The following SSH2 variants were observed in gnomAD, a reference collection of about 807,000 sequenced individuals.
The protein encoded by SSH2 is slingshot protein phosphatase 2.
Under a neutral mutation model 135.2 loss-of-function variants are expected in SSH2, and 37 were observed. The observed-to-expected ratio is 0.27, with a 90% CI of 0.21 to 0.36. SSH2 has a LOEUF of 0.36. SSH2 is among the 10% of genes least tolerant of loss of function. The pLI is 1.00. For missense variants in SSH2, 1,408 were observed against 1,765.3 expected, an observed-to-expected ratio of 0.80 and a Z score of 3.63; for synonymous variants, 628 against 646.2, an observed-to-expected ratio of 0.97 and a Z score of 0.43.
chr17:29,895,015 C>G (rs1263743704), intron 1 of SSH2, among the ~76,000 whole-genome samples: 1 of 151,466 alleles, frequency 6.6e-6, no homozygotes, highest in East Asian at 1.9e-4. Flanking sequence ...CATCTCCCAT[C>G]ATGCCCCTTC....
At chr17:29,767,751 G>GT (rs1260275076) in intron 3 of SSH2, among the ~76,000 whole-genome samples, 5 of 151,874 alleles carry the variant, frequency 3.3e-5, no homozygotes, top group African/African-American at 1.2e-4. Flanking sequence ...TTTTAAAGGA[G>GT]TATAAGGCAT....
At chr17:29,683,389 A>C (rs888040734) in intron 6 of SSH2, among the ~76,000 whole-genome samples, 1 of 152,218 alleles carries the variant, frequency 6.6e-6, no homozygotes, top group African/African-American at 2.4e-5. Flanking sequence ...AAGTACAGCT[A>C]AAGCCAAAGG....
At chr17:29,774,169 T>C (rs1253760741) in intron 3 of SSH2, among the ~76,000 whole-genome samples, 3 of 152,244 alleles carry the variant, frequency 2.0e-5, no homozygotes, top group African/African-American at 4.8e-5. Flanking sequence ...CTTGACCTTA[T>C]ACTAAACTCA....
At chr17:29,755,049 G>A (rs895237582) in intron 3 of SSH2, among the ~76,000 whole-genome samples, 2 of 152,154 alleles carry the variant, frequency 1.3e-5, no homozygotes, top group South Asian at 2.1e-4. Flanking sequence ...ATGGCCACTT[G>A]TTTAGTATAT....
chr17:29,771,663 AAGGGTTT>A (rs534090443), intron 3 of SSH2, among the ~76,000 whole-genome samples: 230 of 152,294 alleles, frequency 1.5e-3, no homozygotes, highest in African/African-American at 5.1e-3. Flanking sequence ...GTAAGTAGGT[AAGGGTTT>A]TATTTTTATT....
At chr17:29,692,874 C>G (rs2038546512) in intron 5 of SSH2, among the ~76,000 whole-genome samples, 1 of 152,188 alleles carries the variant, frequency 6.6e-6, no homozygotes, top group Non-Finnish European at 1.5e-5. Context: ...TAATCGAACT[C>G]TGCATGTGGA....
chr17:29,639,736 G>C (rs1169160675), intron 14 of SSH2: 1 of 152,178 alleles, frequency 6.6e-6, no homozygotes, highest in Non-Finnish European at 1.5e-5. Flanking sequence ...TCTCAAGTGA[G>C]TGGCTGTGGG....
intron 12 of SSH2, among the ~76,000 whole-genome samples, chr17:29,652,681 G>A (rs2036626014): frequency 6.6e-6 from 1 of 152,030 alleles, no homozygotes; most frequent in South Asian, 2.1e-4. Context: ...TCCCCAAGAT[G>A]GAGGCTTGCT....
chr17:29,689,686 G>A (rs1477556989), intron 5 of SSH2, among the ~76,000 whole-genome samples: 2 of 152,154 alleles, frequency 1.3e-5, no homozygotes, highest in East Asian at 3.9e-4. Flanking sequence ...GTCATCCCCT[G>A]CCTCTTTATT....
intron 3 of SSH2, among the ~76,000 whole-genome samples, chr17:29,718,882 T>C (rs1214332390): frequency 7.2e-5 from 11 of 152,182 alleles, no homozygotes; most frequent in African/African-American, 2.7e-4. Context: ...CTGGGCTGCC[T>C]GAGTGTCCTT....
intron 6 of SSH2, among the ~76,000 whole-genome samples, chr17:29,679,326 C>A (rs540964787): frequency 6.6e-6 from 1 of 152,172 alleles, no homozygotes; most frequent in African/African-American, 2.4e-5. Flanking sequence ...AGCTCTGGAA[C>A]CTGGGTTCAC....
rs371865969 is a variant in SSH2, at chr17:29,631,900, C to T, written c.3294G>A (p.Leu1098=). ...GAGGCAGAGGTAGCACTTGGGGGTG[C>T]AGAGAAACCTGGTTGGGGTCCAGAG... is the stretch of plus-strand genomic sequence containing the variant. ...NRTLDPNQVS[L]HPQVLPLPHS... The change falls in exon 16 of 16, where the codon CTG becomes CTA. Residue 1098 remains leucine, a synonymous_variant. Coordinates refer to ENST00000540801, the MANE Select transcript of SSH2 (RefSeq NM_001282129.2). The T allele has an allele frequency of 6.2e-6, 10 of 1,614,042 alleles. No individual in the cohort carries two copies. Among genetic ancestry groups the T allele is most frequent in the Non-Finnish European group, 8.5e-6 (10 of 1,180,030 alleles).
chr17:29,836,913 T>C (rs1044732631), intron 2 of SSH2, among the ~76,000 whole-genome samples: 1 of 152,224 alleles, frequency 6.6e-6, no homozygotes, highest in African/African-American at 2.4e-5. Context: ...TCTTGCCTAA[T>C]AGCTTTGAAA....
At chr17:29,910,266 T>A (rs1203778590) in intron 1 of SSH2, among the ~76,000 whole-genome samples, 2 of 152,070 alleles carry the variant, frequency 1.3e-5, no homozygotes, top group African/African-American at 4.8e-5. Context: ...ATTCTTACTT[T>A]TAAATGTTGG....
intron 1 of SSH2, among the ~76,000 whole-genome samples, chr17:29,922,495 T>G (rs1278295451): frequency 3.9e-5 from 6 of 152,218 alleles, no homozygotes; most frequent in African/African-American, 7.2e-5. Context: ...ACAGGTACAT[T>G]TCAGAGTTTG....
At chr17:29,741,015 C>T (rs1179770818) in intron 3 of SSH2, among the ~76,000 whole-genome samples, 3 of 152,144 alleles carry the variant, frequency 2.0e-5, no homozygotes, top group Non-Finnish European at 4.4e-5. Flanking sequence ...TTCATTGTAA[C>T]TATTGATGTA....
At chr17:29,675,553 G>A (rs1392743643) in intron 8 of SSH2, among the ~76,000 whole-genome samples, 1 of 152,104 alleles carries the variant, frequency 6.6e-6, no homozygotes. Context: ...CAGCACTTTG[G>A]GAGGCCAAGG....
At chr17:29,779,710 T>TG (rs1052916352) in intron 3 of SSH2, among the ~76,000 whole-genome samples, 2 of 140,626 alleles carry the variant, frequency 1.4e-5, no homozygotes, top group African/African-American at 5.3e-5. Flanking sequence ...CCCAGCTACT[T>TG]GGGGGGCTGA....
At chr17:29,841,133 G>A (rs2043034355) in intron 2 of SSH2, among the ~76,000 whole-genome samples, 1 of 152,114 alleles carries the variant, frequency 6.6e-6, no homozygotes, top group Non-Finnish European at 1.5e-5. Flanking sequence ...GGAGGGATTG[G>A]CAAAGGGGGA....
Sources: gnomAD v4.1 joint callset for allele counts (sites outside exome capture counted in the v4.1 genomes callset) on GRCh38, gnomAD v4.1.1 for gene constraint, MANE v1.5 for transcripts, NCBI Gene and HGNC (gene_info 2026-07-23, HGNC 2026-07-21) for gene names.